The following RASA3 variants were observed in gnomAD, a reference collection of about 807,000 sequenced individuals.
RASA3 encodes the protein ras GTPase-activating protein 3.
In RASA3, 73 loss-of-function variants were observed where a neutral mutation model predicts 110.0. That is an observed-to-expected ratio of 0.66 (90% CI 0.55 to 0.81). The LOEUF is 0.81. RASA3 is among the 30% of genes least tolerant of loss of function. The pLI, the probability that RASA3 is intolerant of heterozygous loss-of-function variation, is 0.00. For synonymous variants in RASA3, 500 were observed against 451.4 expected (o/e 1.11, Z -1.37); for missense variants, 976 against 1,113.2 (o/e 0.88, Z 1.75).
chr13:114,104,262 G>A (rs1176820156), intron 1 of RASA3, among the ~76,000 whole-genome samples: 4 of 46,494 alleles, frequency 8.6e-5, no homozygotes, highest in Admixed American at 2.9e-4. Flanking sequence ...CCACGGCCAC[G>A]GACACCCACC....
At chr13:114,124,471 AC>A (rs1438688500) in intron 1 of RASA3, among the ~76,000 whole-genome samples, 2 of 152,240 alleles carry the variant, frequency 1.3e-5, no homozygotes, top group Non-Finnish European at 2.9e-5. Context: ...GTTCCCGGGC[AC>A]CTCGGTGACT....
At chr13:114,077,372 T>C (rs1449262708) in intron 1 of RASA3, among the ~76,000 whole-genome samples, 7 of 125,090 alleles carry the variant, frequency 5.6e-5, no homozygotes, top group East Asian at 2.7e-4. Flanking sequence ...TGCCCAGTCC[T>C]ACCGCACTGG....
Position 114,112,112 on chromosome 13 carries a change from A to T in RASA3, c.55+20323T>A, listed in dbSNP as rs1321440445. Among the ~76,000 whole-genome samples, 2 of 143,146 alleles carry T rather than the reference A, an allele frequency of 1.4e-5. No individual in the cohort carries two copies. Among genetic ancestry groups the T allele is most frequent in the Admixed American group, 6.9e-5 (1 of 14,452 alleles). The allele number at this position is 143,146 out of a possible 152,430, so 93.9% of individuals were successfully genotyped here. ...CAGCCCCCAGGCACCCCCCCCAGCAACTGGGACAAGGGCACACCAGGCTAA... is the reference window on the plus strand; with the variant it reads ...CAGCCCCCAGGCACCCCCCCCAGCATCTGGGACAAGGGCACACCAGGCTAA... On this transcript the variant is annotated intron_variant, in intron 1 of 23. Coordinates refer to ENST00000334062, the MANE Select transcript of RASA3 (RefSeq NM_007368.4). The surrounding 1 kb of genome is among the most constrained non-coding windows in gnomAD (Gnocchi z 4.8).
intron 1 of RASA3, among the ~76,000 whole-genome samples, chr13:114,110,096 G>A (rs188393422): frequency 6.6e-6 from 1 of 152,362 alleles, no homozygotes; most frequent in Non-Finnish European, 1.5e-5. Context: ...TGCAGCCTGG[G>A]TGGTTGGTAA....
chr13:114,009,466 TA>T lies in RASA3; in HGVS notation c.1591-3del. The T allele has an allele frequency of 6.2e-7, 1 of 1,604,922 alleles. No homozygotes were observed. The highest frequency in any genetic ancestry group is 8.5e-7 in the Non-Finnish European group (1 of 1,173,032). The stretch of plus-strand genomic sequence containing the variant: ...CATGTAGGACTCCTTAAAACTCGCC[TA>T]AAATGAAACGGAGATCACTCGAGGA... On this transcript the variant is annotated splice_region_variant and splice_polypyrimidine_tract_variant and intron_variant, in intron 16 of 23. Transcript: ENST00000334062.
intron 3 of RASA3, among the ~76,000 whole-genome samples, chr13:114,042,738 CG>C (rs2054440126): frequency 6.6e-6 from 1 of 152,224 alleles, no homozygotes; most frequent in South Asian, 2.1e-4. Context: ...AGGCTCCCAT[CG>C]GAACAACCCT....
In RASA3 at chr13:114,016,274, G is replaced by A. The variant is rs754227004; in HGVS notation, c.1207-3C>T. 2.5e-6 allele frequency: 4 copies of A among 1,582,580 alleles called. No homozygotes were observed. The highest frequency in any genetic ancestry group is 2.7e-5 in the African/African-American group (2 of 74,146). ...CAGGGTTTGTGGCTCTGGCATATCT[G>A]GGGAGAGGTTTAAGACAGGGCTCTG... On this transcript the variant is annotated splice_polypyrimidine_tract_variant and splice_region_variant and intron_variant, in intron 12 of 23. Coordinates refer to ENST00000334062, the MANE Select transcript of RASA3 (RefSeq NM_007368.4).
chr13:114,081,345 G>A (rs1358920555), intron 1 of RASA3, among the ~76,000 whole-genome samples: 2 of 152,180 alleles, frequency 1.3e-5, no homozygotes, highest in African/African-American at 4.8e-5. Context: ...GCCTCCCCAG[G>A]GCTGCCCAGT....
At chr13:114,060,462 C>T (rs939141636) in intron 2 of RASA3, among the ~76,000 whole-genome samples, 1 of 152,232 alleles carries the variant, frequency 6.6e-6, no homozygotes, top group African/African-American at 2.4e-5. Flanking sequence ...GTGGGGCTTT[C>T]TGCAAGCAAG....
intron 1 of RASA3, among the ~76,000 whole-genome samples, chr13:114,106,282 C>T (rs142556057): frequency 7.2e-5 from 11 of 152,294 alleles, no homozygotes; most frequent in Middle Eastern, 6.8e-3. Flanking sequence ...GAGAAACTAA[C>T]GCAAAGAAAG....
At chr13:114,081,005 CCTA>C (rs2079778536) in intron 1 of RASA3, among the ~76,000 whole-genome samples, 1 of 150,952 alleles carries the variant, frequency 6.6e-6, no homozygotes, top group African/African-American at 2.4e-5. Context: ...GGGCCGTCCA[CCTA>C]GAACACCAAG....
intron 3 of RASA3, among the ~76,000 whole-genome samples, chr13:114,043,792 G>A (rs377299935): frequency 4.6e-5 from 7 of 150,886 alleles, no homozygotes; most frequent in African/African-American, 1.7e-4. Flanking sequence ...CCACGAGGGT[G>A]GACGACAGCC....
chr13:114,050,464 A>G (rs544615963), intron 3 of RASA3, among the ~76,000 whole-genome samples: 5 of 152,392 alleles, frequency 3.3e-5, no homozygotes, highest in African/African-American at 1.2e-4. Flanking sequence ...TGAAAAACAC[A>G]GCAGTTTCTA....
chr13:114,000,462 C>T (rs375743536), intron 19 of RASA3, among the ~76,000 whole-genome samples: 1 of 152,158 alleles, frequency 6.6e-6, no homozygotes, highest in Non-Finnish European at 1.5e-5. Context: ...GATCTGACAG[C>T]GAGGGGCAGG....
At chr13:114,041,450 C>T (rs766571735) in intron 3 of RASA3, among the ~76,000 whole-genome samples, 13 of 152,282 alleles carry the variant, frequency 8.5e-5, no homozygotes, top group South Asian at 2.1e-4. Flanking sequence ...CCAGAGGCTT[C>T]GCTGTGAAGG....
intron 2 of RASA3, among the ~76,000 whole-genome samples, chr13:114,055,101 C>T (rs149516078): frequency 2.6e-5 from 4 of 151,710 alleles, no homozygotes; most frequent in African/African-American, 4.8e-5. Flanking sequence ...TGTGTGTGCC[C>T]GTATGTGTGT....
chr13:114,066,119 G>A (rs909865164), intron 2 of RASA3, among the ~76,000 whole-genome samples: 17 of 139,924 alleles, frequency 1.2e-4, no homozygotes, highest in African/African-American at 2.7e-4. Flanking sequence ...CTGTGGCCTC[G>A]GCTCCCGCCT....
rs549088148 is a variant in RASA3, at chr13:114,007,838, C to T, written c.1669-232G>A. Among the ~76,000 whole-genome samples, 3 of 152,356 alleles carry T rather than the reference C, an allele frequency of 2.0e-5. No individual in the cohort carries two copies. The South Asian group carries it at 6.2e-4, about 32-fold the overall frequency. On this transcript the variant is annotated intron_variant, in intron 17 of 23. Coordinates refer to ENST00000334062, the MANE Select transcript of RASA3 (RefSeq NM_007368.4). ...GGTGAGAGGCCGGGCTCAGGCAACA[C>T]CTGGGGATCAACCTGCATCTCCAGA...
chr13:114,050,122 C>T (rs201371936), intron 3 of RASA3, among the ~76,000 whole-genome samples: 23 of 152,300 alleles, frequency 1.5e-4, no homozygotes, highest in East Asian at 9.6e-4. Context: ...GGAACCCTTC[C>T]GCAGCACCCA....
Sources: gnomAD v4.1 joint callset for allele counts (sites outside exome capture counted in the v4.1 genomes callset) on GRCh38, gnomAD v4.1.1 for gene constraint, Gnocchi (gnomAD v3.1) non-coding constraint, MANE v1.5 for transcripts, NCBI Gene and HGNC (gene_info 2026-07-23, HGNC 2026-07-21) for gene names.